Variants in BRCA2 observed in about 807,000 individuals in gnomAD.
BRCA2 encodes the protein breast cancer type 2 susceptibility protein.
Under a neutral mutation model 276.7 loss-of-function variants are expected in BRCA2, and 203 were observed. The ratio of observed to expected loss-of-function variants is 0.73; its 90% CI spans 0.65 to 0.82. BRCA2 has a LOEUF of 0.82. BRCA2 is among the 40% of genes least tolerant of loss of function. The pLI is 0.00. For synonymous variants in BRCA2, 1,289 were observed against 1,338.4 expected, an observed-to-expected ratio of 0.96 and a Z score of 0.81; for missense variants, 3,920 against 3,915.0, an observed-to-expected ratio of 1.00 and a Z score of -0.03.
In BRCA2 at chr13:32,337,972, G is replaced by A. The variant is rs1410689747; in HGVS notation, c.3617G>A (p.Gly1206Asp). The change falls in exon 11 of 27, where the codon GGT becomes GAT. Residue 1206 changes from glycine to aspartate, a missense_variant. Around this residue, in one of 2 missense-constraint regions of BRCA2, gnomAD observed 3,263 missense variants for 3,156.9 expected, o/e 1.03. Transcript: ENST00000380152. ...AATGACTGTAACAAAAGTGCTTCTGGTTATTTAACAGATGAAAATGAAGTG... is the reference window on the plus strand; with the variant it reads ...AATGACTGTAACAAAAGTGCTTCTGATTATTTAACAGATGAAAATGAAGTG... ...LKNDCNKSAS[G>D]YLTDENEVGF... The A allele has an allele frequency of 6.2e-7, 1 of 1,613,710 alleles. No homozygotes were observed. Among genetic ancestry groups the A allele is most frequent in the Non-Finnish European group, 8.5e-7 (1 of 1,179,738 alleles).
At chr13:32,386,548 A>G (rs978606274) in intron 24 of BRCA2, among the ~76,000 whole-genome samples, 8 of 152,132 alleles carry the variant, frequency 5.3e-5, no homozygotes, top group Non-Finnish European at 1.2e-4. Context: ...TAATGAATCA[A>G]TGTGTGTGTG....
At chr13:32,330,349 C>A (rs1442235913) in intron 8 of BRCA2, among the ~76,000 whole-genome samples, 2 of 152,200 alleles carry the variant, frequency 1.3e-5, no homozygotes, top group Admixed American at 1.3e-4. Context: ...TTTGTTCTTA[C>A]CATAGATGTC....
Position 32,363,499 on chromosome 13 carries a change from C to A in BRCA2, c.8297C>A (p.Thr2766Lys). The change falls in exon 18 of 27, where the codon ACA becomes AAA. Residue 2766 changes from threonine (T) to lysine (K), a missense_variant. Transcript: ENST00000380152. ...AELVGSPDAC[T>K]PLEAPESLML... ...CTGGTGGGCTCTCCTGATGCCTGTA[C>A]ACCTCTTGAAGCCCCAGAATCTCTT... 1 of 1,614,010 alleles carries A rather than the reference C, an allele frequency of 6.2e-7. No individual in the cohort carries two copies. The highest frequency in any genetic ancestry group is 8.5e-7 in the Non-Finnish European group (1 of 1,179,932).
At chr13:32,321,924 A>T (rs2072308707) in intron 3 of BRCA2, among the ~76,000 whole-genome samples, 1 of 151,916 alleles carries the variant, frequency 6.6e-6, no homozygotes. Context: ...TTTTTCACCT[A>T]GTTCATTTTT....
intron 11 of BRCA2, among the ~76,000 whole-genome samples, chr13:32,342,796 A>G (rs1317935127): frequency 6.6e-6 from 1 of 152,224 alleles, no homozygotes; most frequent in Admixed American, 6.5e-5. Context: ...CTGTAATCCC[A>G]GCACTTTGGG....
intron 3 of BRCA2, among the ~76,000 whole-genome samples, chr13:32,321,219 C>T (rs1346575239): frequency 3.9e-5 from 6 of 152,198 alleles, no homozygotes; most frequent in Admixed American, 3.9e-4. Flanking sequence ...ATAAGGGAGT[C>T]ATCCATTCTG....
At chr13:32,360,431 C>T (rs939558139) in intron 16 of BRCA2, among the ~76,000 whole-genome samples, 4 of 152,172 alleles carry the variant, frequency 2.6e-5, no homozygotes, top group Non-Finnish European at 5.9e-5. Context: ...GCAATCTCGG[C>T]TCACTGCAGC....
chr13:32,322,370 A>G (rs1469148058), intron 3 of BRCA2, among the ~76,000 whole-genome samples: 1 of 152,172 alleles, frequency 6.6e-6, no homozygotes, highest in Non-Finnish European at 1.5e-5. Context: ...GTGGAGTGGG[A>G]AATCAGGGGT....
rs864622496 is a variant in BRCA2 at position 32,341,165 on chromosome 13, A to G, written c.6810A>G (p.Gly2270=). ...EEMVLSNSRI[G]KRRGEPLILV... ...TGGTTTTGTCAAATTCAAGAATTGG[A>G]AAAAGAAGAGGAGAGCCCCTTATCT... is the stretch of plus-strand genomic sequence containing the variant. The change falls in exon 11 of 27, where the codon GGA becomes GGG. Residue 2270 remains glycine (G), a synonymous_variant. Transcript: ENST00000380152. 1.2e-6 allele frequency: 2 copies of G among 1,613,866 alleles called. No homozygotes were observed. The highest frequency in any genetic ancestry group is 2.7e-5 in the African/African-American group (2 of 74,952).
chr13:32,343,069 G>T (rs1026812980), intron 11 of BRCA2, among the ~76,000 whole-genome samples: 3 of 151,830 alleles, frequency 2.0e-5, no homozygotes, highest in African/African-American at 7.3e-5. Flanking sequence ...AAAATCTTAT[G>T]GGACCACTAT....
chr13:32,391,462 G>C (rs11571808), intron 24 of BRCA2, among the ~76,000 whole-genome samples: 245 of 152,292 alleles, frequency 1.6e-3, no homozygotes, highest in African/African-American at 5.1e-3. Flanking sequence ...AATGCCTTTC[G>C]ACAGAGGGCA....
intron 10 of BRCA2, among the ~76,000 whole-genome samples, chr13:32,333,809 C>T (rs2072429031): frequency 6.6e-6 from 1 of 152,126 alleles, no homozygotes; most frequent in Non-Finnish European, 1.5e-5. Context: ...GTGTGTTGTT[C>T]CCCTCCCTGT....
At position 32,342,322 on chromosome 13, in the gene BRCA2, T is replaced by C. The variant is rs562704119; in HGVS notation, c.6841+1126T>C. Reference sequence around the variant, plus strand: ...AAAGCACTTAGCAGTGAACTTGACATATAGTAGGCAGAGAGCATTCAGTAA... The same window carrying C: ...AAAGCACTTAGCAGTGAACTTGACACATAGTAGGCAGAGAGCATTCAGTAA... On this transcript the variant is annotated intron_variant, in intron 11 of 26. Coordinates refer to ENST00000380152, the MANE Select transcript of BRCA2 (RefSeq NM_000059.4). Among the ~76,000 whole-genome samples, 10 of 150,958 alleles carry C rather than the reference T, an allele frequency of 6.6e-5. No homozygotes were observed. The South Asian group carries it at 2.1e-3, about 32-fold the overall frequency.
intron 18 of BRCA2, among the ~76,000 whole-genome samples, chr13:32,365,653 C>G (rs187920190): frequency 6.7e-6 from 1 of 150,326 alleles, no homozygotes; most frequent in African/African-American, 2.4e-5. Context: ...GTTGGGATTA[C>G]GGGCATGAGC....
intron 20 of BRCA2, among the ~76,000 whole-genome samples, chr13:32,373,514 A>T (rs1240252638): frequency 6.6e-6 from 1 of 152,012 alleles, no homozygotes; most frequent in East Asian, 1.9e-4. Flanking sequence ...TCAAAAAAAT[A>T]AATAAAAAAA....
chr13:32,338,561 T>C lies in BRCA2; in HGVS notation c.4206T>C (p.Asn1402=), dbSNP rs878853580. 2 of 1,597,452 alleles carry C rather than the reference T, an allele frequency of 1.3e-6. No homozygotes were observed. The highest frequency in any genetic ancestry group is 1.8e-5 in the Admixed American group (1 of 56,772). Reference sequence around the variant, plus strand: ...AAGCTCAAGAAGCATGTCATGGTAATACTTCAAATAAAGAACAGTTAACTG... The same window carrying C: ...AAGCTCAAGAAGCATGTCATGGTAACACTTCAAATAAAGAACAGTTAACTG... ...VAKAQEACHG[N]TSNKEQLTAT... is the part of the protein sequence containing the mutation. The change falls in exon 11 of 27, where the codon AAT becomes AAC. Residue 1402 remains asparagine, a synonymous_variant. Coordinates refer to ENST00000380152, the MANE Select transcript of BRCA2 (RefSeq NM_000059.4).
At position 32,376,866 on chromosome 13, in the gene BRCA2, A is replaced by G. The variant is rs575377419; in HGVS notation, c.8754+75A>G. ...AGAAGCTGTTTTAGACTCTCTGGCC[A>G]TCACAGGAAGGAGTATGTTGAAATG... On this transcript the variant is annotated intron_variant, in intron 21 of 26. Transcript: ENST00000380152. 5.4e-4 allele frequency: 858 copies of G among 1,576,806 alleles called. 1 individual carries two copies. Among genetic ancestry groups the G allele is most frequent in the Non-Finnish European group, 6.8e-4 (782 of 1,156,494 alleles).
At chr13:32,318,718 G>A (rs1566215517) in intron 2 of BRCA2, among the ~76,000 whole-genome samples, 1 of 152,190 alleles carries the variant, frequency 6.6e-6, no homozygotes, top group South Asian at 2.1e-4. Flanking sequence ...GATTACAGGC[G>A]TGAGCCCCCG....
At chr13:32,316,851 AGGACCCCC>A (rs2072265530) in intron 2 of BRCA2, among the ~76,000 whole-genome samples, 1 of 152,200 alleles carries the variant, frequency 6.6e-6, no homozygotes. Flanking sequence ...AAAATGATCT[AGGACCCCC>A]GGAGTGCTTT....
Sources: gnomAD v4.1 joint callset for allele counts (sites outside exome capture counted in the v4.1 genomes callset) on GRCh38, gnomAD v4.1.1 for gene constraint, gnomAD v4.1.1 regional missense constraint, MANE v1.5 for transcripts, NCBI Gene and HGNC (gene_info 2026-07-23, HGNC 2026-07-21) for gene names.